MSANTD3: variants seen among roughly 807,000 people sequenced by gnomAD.
MSANTD3 encodes Myb/SANT DNA binding domain containing 3, also known as myb/SANT-like DNA-binding domain-containing protein 3.
A neutral mutation model predicts 27.7 loss-of-function variants in MSANTD3; 11 were observed. The observed-to-expected ratio is 0.40, with a 90% CI of 0.25 to 0.66. The LOEUF is 0.66. Ranked by LOEUF, MSANTD3 falls within the 30% of genes least tolerant of loss-of-function variation. MSANTD3 has a pLI of 0.41. For missense variants in MSANTD3, 250 were observed against 336.5 expected (o/e 0.74, Z 2.01); for synonymous variants, 131 against 127.2 (o/e 1.03, Z -0.20).
In MSANTD3 at chr9:100,446,215, TTAA is replaced by T. The variant is rs1362755413; in HGVS notation, c.418+3863_418+3865del. 2.0e-5 allele frequency among the ~76,000 whole-genome samples: 3 copies of T among 152,348 alleles called. No individual in the cohort carries two copies. In the East Asian group the frequency reaches 5.8e-4, roughly 29 times the overall value. On this transcript the variant is annotated intron_variant, in intron 2 of 2. Coordinates refer to ENST00000395067, the MANE Select transcript of MSANTD3 (RefSeq NM_080655.3). ...GATACTTGATAACTGTGAACATTTC[TTAA>T]TAAATGCCATTATTATTACTGTTCA... is the stretch of plus-strand genomic sequence containing the variant.
chr9:100,437,321 A>G (rs562939235), intron 1 of MSANTD3, among the ~76,000 whole-genome samples: 2 of 152,232 alleles, frequency 1.3e-5, no homozygotes, highest in South Asian at 4.2e-4. Context: ...TTAGAGTGTT[A>G]ATGCCCATAC....
intron 1 of MSANTD3, among the ~76,000 whole-genome samples, chr9:100,435,209 G>A (rs959313379): frequency 1.3e-5 from 2 of 152,162 alleles, no homozygotes; most frequent in Non-Finnish European, 2.9e-5. Context: ...AAAGTCACAC[G>A]GTTGGGTGAG....
At chr9:100,442,774 A>G (rs1836658552) in intron 2 of MSANTD3, among the ~76,000 whole-genome samples, 1 of 148,288 alleles carries the variant, frequency 6.7e-6, no homozygotes, top group African/African-American at 2.5e-5. Context: ...GCGCCACTGC[A>G]CTCCAGCCTG....
At position 100,442,309 on chromosome 9, in the gene MSANTD3, G is replaced by T. The variant is rs762964870; in HGVS notation, c.371G>T (p.Ser124Ile). Reference protein sequence around the residue: ...MLPEQLYFLQSPPEEEPEYHP... With the variant: ...MLPEQLYFLQIPPEEEPEYHP... ...CCGGAGCAGCTCTACTTCCTGCAGA[G>T]CCCCCCGGAGGAGGAGCCCGAATAC... The change falls in exon 2 of 3, where the codon AGC becomes ATC. Residue 124 changes from serine (S) to isoleucine (I), a missense_variant. Physicochemically the swap from Ser to Ile is moderately radical, Grantham distance 142. Transcript: ENST00000395067. 1.2e-6 allele frequency: 2 copies of T among 1,613,704 alleles called. No homozygotes were observed. The highest frequency in any genetic ancestry group is 1.7e-6 in the Non-Finnish European group (2 of 1,179,994).
In MSANTD3 at chr9:100,451,439, C is replaced by A. The variant is rs1836887769; in HGVS notation, c.*473C>A. 2 of 151,432 alleles carry A rather than the reference C, an allele frequency of 1.3e-5. No individual in the cohort carries two copies. Among genetic ancestry groups the A allele is most frequent in the South Asian group, 2.1e-4 (1 of 4,790 alleles). The allele number at this position is 151,432 out of a possible 1,614,324, so 9.4% of individuals were successfully genotyped here. A position where few individuals can be genotyped will look rare whatever the true frequency, so the allele number is the denominator to read the frequency against. ...TGGTGATGCTGTTGCTCAGAACTTGCTAGAGGTCTTTAGGGAACCTCCGTG... is the reference window on the plus strand; with the variant it reads ...TGGTGATGCTGTTGCTCAGAACTTGATAGAGGTCTTTAGGGAACCTCCGTG... On this transcript the variant is annotated 3_prime_UTR_variant, in exon 3 of 3. Transcript: ENST00000395067.
chr9:100,432,211 T>C (rs1836392217), intron 1 of MSANTD3, among the ~76,000 whole-genome samples: 1 of 152,006 alleles, frequency 6.6e-6, no homozygotes. Flanking sequence ...AGGGAATGCA[T>C]TAGAGAAAGC....
chr9:100,448,881 A>G (rs1234859032), intron 2 of MSANTD3: 7 of 984,596 alleles, frequency 7.1e-6, no homozygotes, highest in Non-Finnish European at 8.4e-6. Flanking sequence ...TAAGATTTTT[A>G]CCTTTTCTTT....
chr9:100,429,256 T>TG (rs1216115665), intron 1 of MSANTD3, among the ~76,000 whole-genome samples: 7 of 152,214 alleles, frequency 4.6e-5, no homozygotes, highest in Admixed American at 4.6e-4. Flanking sequence ...GAAGAGCAAT[T>TG]GCTTTGGAGA....
At chr9:100,429,342 G>GT (rs1363759452) in intron 1 of MSANTD3, among the ~76,000 whole-genome samples, 2 of 152,170 alleles carry the variant, frequency 1.3e-5, no homozygotes, top group East Asian at 3.9e-4. Flanking sequence ...ATAAAATAAT[G>GT]TTTTTTCACA....
At chr9:100,446,696 G>A (rs1241795875) in intron 2 of MSANTD3, among the ~76,000 whole-genome samples, 27 of 152,022 alleles carry the variant, frequency 1.8e-4, no homozygotes, top group African/African-American at 6.3e-4. Context: ...GCCTGGTGGC[G>A]CACACCTGTA....
intron 2 of MSANTD3, chr9:100,444,817 A>T (rs1263426695): frequency 5.8e-6 from 1 of 171,072 alleles, no homozygotes; most frequent in Non-Finnish European, 1.2e-5. Context: ...TCATTTACTC[A>T]TAAACGTAAT....
At chr9:100,430,916 G>A (rs1274352513) in intron 1 of MSANTD3, among the ~76,000 whole-genome samples, 1 of 152,142 alleles carries the variant, frequency 6.6e-6, no homozygotes. Flanking sequence ...ATAGATAATT[G>A]GAAATGTGTT....
rs201753605 is a variant in MSANTD3 at position 100,442,254 on chromosome 9, C to G, written c.316C>G (p.Leu106Val). Residue 106 changes from leucine to valine, a missense_variant, in exon 2 of 3, where the codon CTA becomes GTA. This residue lies in a region of MSANTD3 where 235 missense variants were observed against 299.3 expected (regional missense o/e 0.79). Transcript: ENST00000395067. The stretch of plus-strand genomic sequence containing the variant: ...CAGCCCTCTCCTGAGTACCCACGTC[C>G]TAGGGAAGGAGAAGATCGCCAGCAT... The part of the protein sequence containing the change: ...SVSPLLSTHV[L>V]GKEKIASMLP... 2.4e-5 allele frequency: 39 copies of G among 1,614,150 alleles called. No individual in the cohort carries two copies. The East Asian group carries it at 8.5e-4, about 35-fold the overall frequency.
At chr9:100,441,720 A>C (rs181218988) in intron 1 of MSANTD3, among the ~76,000 whole-genome samples, 186 bp from the exon 2 acceptor site, 1 of 152,362 alleles carries the variant, frequency 6.6e-6, no homozygotes, top group Admixed American at 6.5e-5. Context: ...CCACTTTGAA[A>C]TAAAACCCCA....
At chr9:100,442,428 C>T in intron 2 of MSANTD3, 72 bp downstream of exon 2, 3 of 1,511,242 alleles carry the variant, frequency 2.0e-6, no homozygotes, top group Non-Finnish European at 2.6e-6. Context: ...TAAAACCCTC[C>T]ACTTTGAGGG....
chr9:100,449,069 C>T (rs1836823316), intron 2 of MSANTD3: 1 of 985,280 alleles, frequency 1.0e-6, no homozygotes. Context: ...ATGTAATCAA[C>T]TATGTTAATA....
chr9:100,442,683 C>T (rs1377578733), intron 2 of MSANTD3, among the ~76,000 whole-genome samples: 2 of 151,658 alleles, frequency 1.3e-5, no homozygotes, highest in African/African-American at 2.4e-5. Flanking sequence ...GTAGCATGCA[C>T]CTGTAGTTCC....
intron 2 of MSANTD3, chr9:100,445,224 T>G (rs770833179): frequency 6.2e-7 from 1 of 1,605,618 alleles, no homozygotes; most frequent in South Asian, 1.1e-5. Context: ...TTTCTGGGAC[T>G]TGGTAGGAAA....
intron 1 of MSANTD3, among the ~76,000 whole-genome samples, chr9:100,438,888 T>C (rs2097067454): frequency 6.6e-6 from 1 of 152,186 alleles, no homozygotes; most frequent in African/African-American, 2.4e-5. Context: ...GTATGGATAT[T>C]AGAGCAACAT....
Sources: gnomAD v4.1 joint callset for allele counts (sites outside exome capture counted in the v4.1 genomes callset) on GRCh38, gnomAD v4.1.1 for gene constraint, gnomAD v4.1.1 regional missense constraint, MANE v1.5 for transcripts, NCBI Gene and HGNC (gene_info 2026-07-23, HGNC 2026-07-21) for gene names.